CACNA2D3: variants seen among roughly 807,000 people sequenced by gnomAD.
CACNA2D3 encodes the protein voltage-dependent calcium channel subunit alpha-2/delta-3.
In CACNA2D3, 60 loss-of-function variants were observed where a neutral mutation model predicts 160.6. The ratio of observed to expected loss-of-function variants is 0.37; its 90% CI spans 0.30 to 0.46. The LOEUF (loss-of-function observed/expected upper bound fraction) is 0.46, where lower values mean the gene tolerates loss of function less well. Among genes scored for constraint, CACNA2D3 ranks in the 20% least tolerant of loss-of-function variants. The pLI is 1.00. For synonymous variants in CACNA2D3, 558 were observed against 492.9 expected (o/e 1.13, Z -1.75); for missense variants, 1,205 against 1,365.0 (o/e 0.88, Z 1.85).
At chr3:54,460,407 G>T (rs1031589626) in intron 4 of CACNA2D3, among the ~76,000 whole-genome samples, 4 of 152,192 alleles carry the variant, frequency 2.6e-5, no homozygotes, top group Non-Finnish European at 1.5e-5. Context: ...CTACCCATGA[G>T]CATGGAATGT....
At chr3:54,198,017 A>T (rs1269934401) in intron 2 of CACNA2D3, among the ~76,000 whole-genome samples, 1 of 152,224 alleles carries the variant, frequency 6.6e-6, no homozygotes, top group East Asian at 1.9e-4. Context: ...TGATGAAAGT[A>T]AAAATAGCAT....
intron 35 of CACNA2D3, among the ~76,000 whole-genome samples, chr3:55,026,898 T>C (rs1703573515): frequency 1.3e-5 from 2 of 152,172 alleles, no homozygotes. Flanking sequence ...AAAAATGACA[T>C]GGTGGCCTCT....
rs924199199 is a variant in CACNA2D3, at chr3:54,987,651, C to T, written c.2620-32C>T. 6 of 1,446,410 alleles carry T rather than the reference C, an allele frequency of 4.1e-6. No homozygotes were observed. In the African/African-American group the frequency reaches 8.6e-5, roughly 21 times the overall value. 89.6% of individuals were successfully genotyped at this position (1,446,410 alleles called of 1,614,324 possible). On this transcript the variant is annotated intron_variant, in intron 30 of 37. Coordinates refer to ENST00000474759, the MANE Select transcript of CACNA2D3 (RefSeq NM_018398.3). Reference sequence around the variant, plus strand: ...TCTCCTGTTTGGGCACATTATTTATCTACACCTCCTCATATGTCTTCTTCC... The same window carrying T: ...TCTCCTGTTTGGGCACATTATTTATTTACACCTCCTCATATGTCTTCTTCC...
chr3:54,194,375 T>A (rs1347647309), intron 2 of CACNA2D3, among the ~76,000 whole-genome samples: 1 of 152,110 alleles, frequency 6.6e-6, no homozygotes, highest in Non-Finnish European at 1.5e-5. Flanking sequence ...TAAAAGTAGT[T>A]AAAAAAAGTC....
chr3:54,528,078 A>G (rs1005364394), intron 5 of CACNA2D3, among the ~76,000 whole-genome samples: 2 of 152,164 alleles, frequency 1.3e-5, no homozygotes, highest in Non-Finnish European at 2.9e-5. Flanking sequence ...AAACATGCAC[A>G]TGCCCCTCCA....
intron 3 of CACNA2D3, among the ~76,000 whole-genome samples, chr3:54,377,152 CTG>C (rs1699026313): frequency 6.6e-6 from 1 of 152,210 alleles, no homozygotes. Context: ...AGCTTAATTT[CTG>C]TGTTTGTGCC....
intron 35 of CACNA2D3, among the ~76,000 whole-genome samples, chr3:55,065,722 G>GGGAAGGAAA (rs140176259): frequency 3.3e-5 from 5 of 151,098 alleles, no homozygotes; most frequent in East Asian, 3.9e-4. Flanking sequence ...GTGGGGGGAA[G>GGGAAGGAAA]GGAAGGAAAG....
chr3:54,584,346 A>G (rs903850243), intron 9 of CACNA2D3, among the ~76,000 whole-genome samples: 1 of 152,234 alleles, frequency 6.6e-6, no homozygotes. Context: ...AAGTTATAAA[A>G]TAGAGCCAAA....
chr3:54,946,225 C>T (rs1346586990), intron 27 of CACNA2D3, among the ~76,000 whole-genome samples: 10 of 152,230 alleles, frequency 6.6e-5, no homozygotes, highest in Non-Finnish European at 1.2e-4. Flanking sequence ...CCACCCCTAG[C>T]TTCAGGCTGC....
chr3:55,040,517 C>T (rs118096542), intron 35 of CACNA2D3, among the ~76,000 whole-genome samples: 1 of 152,060 alleles, frequency 6.6e-6, no homozygotes, highest in East Asian at 1.9e-4. Context: ...TTGAAAAAAA[C>T]TGTGTTTTAA....
At chr3:54,536,532 C>G (rs894462349) in intron 5 of CACNA2D3, among the ~76,000 whole-genome samples, 2 of 152,188 alleles carry the variant, frequency 1.3e-5, no homozygotes, top group African/African-American at 4.8e-5. Context: ...GGCCAACAGC[C>G]CAGTAATGGG....
intron 2 of CACNA2D3, among the ~76,000 whole-genome samples, chr3:54,137,122 C>G (rs145773958): frequency 1.3e-5 from 2 of 152,324 alleles, no homozygotes; most frequent in African/African-American, 2.4e-5. Context: ...TGGAGCTGCT[C>G]TTCCCCTGAG....
chr3:54,157,132 C>T lies in CACNA2D3; in HGVS notation c.204+33538C>T, dbSNP rs571480513. On this transcript the variant is annotated intron_variant, in intron 2 of 37. Transcript: ENST00000474759. ...GAGGGCTTTCTTTCTGGCCTGCAGACAGCCACCTTTTTGTGTCCTCACATG... is the reference window on the plus strand; with the variant it reads ...GAGGGCTTTCTTTCTGGCCTGCAGATAGCCACCTTTTTGTGTCCTCACATG... Among the ~76,000 whole-genome samples the T allele has an allele frequency of 6.3e-4, 96 of 152,308 alleles. 1 individual carries two copies. In the South Asian group the frequency reaches 0.02, roughly 31 times the overall value.
At chr3:54,126,816 C>T (rs1326834680) in intron 2 of CACNA2D3, among the ~76,000 whole-genome samples, 2 of 152,188 alleles carry the variant, frequency 1.3e-5, no homozygotes, top group African/African-American at 4.8e-5. Context: ...GGTTTCCGTT[C>T]ACTTCAACTT....
intron 2 of CACNA2D3, among the ~76,000 whole-genome samples, chr3:54,204,796 GAAAAAAAAAAAAAAA>G (rs57129457): frequency 1.4e-5 from 1 of 74,058 alleles, no homozygotes; most frequent in Admixed American, 1.8e-4. Flanking sequence ...ATGCTGTCTT[GAAAAAAAAAAAAAAA>G]AAAAAAAAAG....
chr3:54,980,368 C>T (rs567459589), intron 29 of CACNA2D3, among the ~76,000 whole-genome samples: 3 of 152,300 alleles, frequency 2.0e-5, no homozygotes, highest in Admixed American at 6.5e-5. Flanking sequence ...TCAATGTCCA[C>T]ACACAGAATT....
At chr3:54,840,402 T>C (rs1398599519) in intron 16 of CACNA2D3, among the ~76,000 whole-genome samples, 2 of 128,006 alleles carry the variant, frequency 1.6e-5, no homozygotes, top group African/African-American at 6.0e-5. Flanking sequence ...GAGAACCATG[T>C]CTTTTTTTTT....
At chr3:54,543,339 GGATT>G (rs1437398283) in intron 5 of CACNA2D3, among the ~76,000 whole-genome samples, 1 of 152,120 alleles carries the variant, frequency 6.6e-6, no homozygotes, top group Non-Finnish European at 1.5e-5. Flanking sequence ...TTTCACATCA[GGATT>G]TTAACAGTGG....
intron 27 of CACNA2D3, among the ~76,000 whole-genome samples, chr3:54,914,781 T>C (rs1341208900): frequency 1.3e-5 from 2 of 152,110 alleles, no homozygotes; most frequent in Admixed American, 6.5e-5. Context: ...AGCAATGCCA[T>C]GTGGAGTTGG....
Sources: gnomAD v4.1 joint callset for allele counts (sites outside exome capture counted in the v4.1 genomes callset) on GRCh38, gnomAD v4.1.1 for gene constraint, MANE v1.5 for transcripts, NCBI Gene and HGNC (gene_info 2026-07-23, HGNC 2026-07-21) for gene names.